Variants in ERBB2 observed in about 807,000 individuals in gnomAD.
The protein encoded by ERBB2 is receptor tyrosine-protein kinase erbB-2.
In ERBB2, 61 loss-of-function variants were observed where a neutral mutation model predicts 149.0. The ratio of observed to expected loss-of-function variants is 0.41; its 90% CI spans 0.33 to 0.51. ERBB2 has a LOEUF of 0.51. Ranked by LOEUF, ERBB2 falls within the 20% of genes least tolerant of loss-of-function variation. ERBB2 has a pLI of 0.25. For synonymous variants in ERBB2, 633 were observed against 678.8 expected, an observed-to-expected ratio of 0.93 and a Z score of 1.05; for missense variants, 1,205 against 1,655.1, an observed-to-expected ratio of 0.73 and a Z score of 4.72.
chr17:39,702,284 G>T (rs1230784988), intron 1 of ERBB2, among the ~76,000 whole-genome samples: 1 of 152,194 alleles, frequency 6.6e-6, no homozygotes, highest in East Asian at 1.9e-4. Flanking sequence ...GGGTGACAGT[G>T]TGAGACTCCG....
intron 15 of ERBB2, chr17:39,717,715 G>T: frequency 2.4e-6 from 1 of 422,134 alleles, no homozygotes; most frequent in Admixed American, 4.0e-5. Flanking sequence ...TTTTGTCTGT[G>T]CACATTCTAA....
Position 39,725,100 on chromosome 17 carries a change from C to CG in ERBB2, c.2547dup (p.Asn850GlufsTer24). 1 of 1,614,046 alleles carries CG rather than the reference C, an allele frequency of 6.2e-7. No individual in the cohort carries two copies. The highest frequency in any genetic ancestry group is 8.5e-7 in the Non-Finnish European group (1 of 1,180,020). ...GCTCGTACACAGGGACTTGGCCGCTCGGAACGTGCTGGTCAAGAGTCCCAA... is the reference window on the plus strand; with the variant it reads ...GCTCGTACACAGGGACTTGGCCGCTCGGGAACGTGCTGGTCAAGAGTCCCAA... On this transcript the variant is annotated frameshift_variant, in exon 21 of 27. Transcript: ENST00000269571. LOFTEE classifies it high-confidence loss of function. The surrounding 1 kb of genome is among the most constrained non-coding windows in gnomAD (Gnocchi z 4.6).
At chr17:39,713,097 A>G (rs1266090399) in intron 9 of ERBB2, 2 of 152,352 alleles carry the variant, frequency 1.3e-5, no homozygotes. Flanking sequence ...AAACTCATCA[A>G]ACTGTGTGAT....
Position 39,727,092 on chromosome 17 carries a change from C to T in ERBB2, c.3159+89C>T. The T allele has an allele frequency of 7.6e-7, 1 of 1,323,862 alleles. No individual in the cohort carries two copies. The highest frequency in any genetic ancestry group is 1.0e-6 in the Non-Finnish European group (1 of 965,664). The allele number at this position is 1,323,862 out of a possible 1,614,324, so 82.0% of individuals were successfully genotyped here. On this transcript the variant is annotated intron_variant, in intron 25 of 26. Transcript: ENST00000269571. The surrounding 1 kb of genome is among the most constrained non-coding windows in gnomAD (Gnocchi z 4.3). ...GTCCCTTTCTCTGATGTTCCCTCAA[C>T]TGTCACCTCTCAAGGAAACCCCATT...
chr17:39,718,770 T>C (rs1368606996), intron 15 of ERBB2, among the ~76,000 whole-genome samples: 1 of 152,026 alleles, frequency 6.6e-6, no homozygotes, highest in Non-Finnish European at 1.5e-5. Flanking sequence ...ACCTGTAACA[T>C]GGATGTAATT....
chr17:39,694,685 C>G (rs2057820961), upstream of ERBB2: 1 of 152,126 alleles, frequency 6.6e-6, no homozygotes, highest in African/African-American at 2.4e-5. Context: ...TCAAAGGTTC[C>G]TCGTCTCCTC....
chr17:39,721,298 C>T (rs1000971422), intron 16 of ERBB2, among the ~76,000 whole-genome samples: 4 of 130,858 alleles, frequency 3.1e-5, no homozygotes, highest in Non-Finnish European at 3.1e-5. Flanking sequence ...TGGAGTCTTG[C>T]TCTGTTGCCC....
chr17:39,699,462 A>T, upstream of ERBB2: 3 of 952,894 alleles, frequency 3.1e-6, no homozygotes, highest in Non-Finnish European at 4.3e-6. Context: ...AGTTCGTTTA[A>T]AAAAAAAAAA....
Position 39,725,582 on chromosome 17 carries a change from C to G in ERBB2, c.2726-125C>G. ...GGATTAGGGAAAGACCGGGTAGGGT[C>G]TGTCTCCTGGCATCACATCTCCCCC... On this transcript the variant is annotated intron_variant, in intron 22 of 26. Coordinates refer to ENST00000269571, the MANE Select transcript of ERBB2 (RefSeq NM_004448.4). The surrounding 1 kb of genome is among the most constrained non-coding windows in gnomAD (Gnocchi z 4.6). 8.0e-7 allele frequency: 1 copy of G among 1,253,988 alleles called. No homozygotes were observed. Among genetic ancestry groups the G allele is most frequent in the Non-Finnish European group, 1.1e-6 (1 of 894,476 alleles). 77.7% of individuals were successfully genotyped at this position (1,253,988 alleles called of 1,614,324 possible). A position where few individuals can be genotyped will look rare whatever the true frequency, so the allele number is the denominator to read the frequency against.
upstream of ERBB2, among the ~76,000 whole-genome samples, chr17:39,692,642 T>C (rs941284278): frequency 1.7e-4 from 26 of 151,950 alleles, no homozygotes; most frequent in South Asian, 8.3e-4. Flanking sequence ...CCACCTCAGG[T>C]GATCCGTCCG....
At chr17:39,713,433 T>C (rs1190094078) in intron 9 of ERBB2, among the ~76,000 whole-genome samples, 1 of 151,800 alleles carries the variant, frequency 6.6e-6, no homozygotes, top group Non-Finnish European at 1.5e-5. Flanking sequence ...TGCATTTTAT[T>C]GTATATAAGT....
rs2059087492 is a variant in ERBB2 at position 39,715,793 on chromosome 17, G to T, written c.1367G>T (p.Arg456Leu). The T allele has an allele frequency of 6.2e-7, 1 of 1,609,570 alleles. No homozygotes were observed. Among genetic ancestry groups the T allele is most frequent in the Non-Finnish European group, 8.5e-7 (1 of 1,180,004 alleles). Residue 456 changes from arginine (R) to leucine (L), a missense_variant, in exon 12 of 27, where the codon CGC (arginine) becomes CTC (leucine). Around this residue, in one of 6 missense-constraint regions of ERBB2, gnomAD observed 569 missense variants for 803.5 expected, o/e 0.71. Coordinates refer to ENST00000269571, the MANE Select transcript of ERBB2 (RefSeq NM_004448.4). ...CTGGGCATCAGCTGGCTGGGGCTGC[G>T]CTCACTGAGGGAACTGGGCAGTGGA... ...QGLGISWLGL[R>L]SLRELGSGLA...
rs146791861 is a variant in ERBB2 at position 39,710,549 on chromosome 17, T to C, written c.901+68T>C. On this transcript the variant is annotated intron_variant, in intron 7 of 26. Coordinates refer to ENST00000269571, the MANE Select transcript of ERBB2 (RefSeq NM_004448.4). Reference sequence around the variant, plus strand: ...AGGTTTGTTTCTGTAAATGGGAGCATATGGGGAGCACTGTCTGCATCTTGC... The same window carrying C: ...AGGTTTGTTTCTGTAAATGGGAGCACATGGGGAGCACTGTCTGCATCTTGC... 3.6e-3 allele frequency: 5,575 copies of C among 1,559,218 alleles called. 15 individuals carry two copies. Among genetic ancestry groups the C allele is most frequent in the Non-Finnish European group, 3.8e-3 (4,317 of 1,136,928 alleles).
At chr17:39,707,803 A>G (rs773093476) in intron 2 of ERBB2, 2 of 154,236 alleles carry the variant, frequency 1.3e-5, no homozygotes, top group Admixed American at 1.3e-4. Context: ...GTTCGAGACC[A>G]GCCTGACCAA....
chr17:39,719,714 T>C, intron 15 of ERBB2, 73 bp from the exon 16 acceptor site: 1 of 1,469,720 alleles, frequency 6.8e-7, no homozygotes, highest in South Asian at 1.1e-5. Context: ...CTCCCAGGGT[T>C]GTTGTGAGGC....
chr17:39,691,529 C>T (rs143527416), upstream of ERBB2, among the ~76,000 whole-genome samples: 838 of 124,358 alleles, frequency 6.7e-3, 16 homozygotes, highest in African/African-American at 0.027. Context: ...GGTGACAGAG[C>T]GAGACTCCAT....
At chr17:39,715,599 G>A (rs2145645571) in intron 11 of ERBB2, 63 bp downstream of exon 11, 3 of 1,572,102 alleles carry the variant, frequency 1.9e-6, no homozygotes, top group Non-Finnish European at 2.6e-6. Context: ...CCTGTGGGAA[G>A]CTTTGGGCCT....
intron 16 of ERBB2, among the ~76,000 whole-genome samples, chr17:39,721,464 A>C (rs1178703625): frequency 6.6e-6 from 1 of 151,646 alleles, no homozygotes; most frequent in Non-Finnish European, 1.5e-5. Flanking sequence ...AGTAGAGATG[A>C]GGTTTTGCCA....
chr17:39,688,294 G>A (rs1037182614), intron 1 of ERBB2: 4 of 325,800 alleles, frequency 1.2e-5, no homozygotes, highest in Non-Finnish European at 2.2e-5. Context: ...GCTGTTTACT[G>A]TCACCACCCC....
Sources: gnomAD v4.1 joint callset for allele counts (sites outside exome capture counted in the v4.1 genomes callset) on GRCh38, gnomAD v4.1.1 for gene constraint, gnomAD v4.1.1 regional missense constraint, Gnocchi (gnomAD v3.1) non-coding constraint, MANE v1.5 for transcripts, NCBI Gene and HGNC (gene_info 2026-07-23, HGNC 2026-07-21) for gene names.